The following UBE2J1 variants were observed in gnomAD, a reference collection of about 807,000 sequenced individuals.
UBE2J1 encodes ubiquitin conjugating enzyme E2 J1.
A neutral mutation model predicts 42.1 loss-of-function variants in UBE2J1; 17 were observed. The observed-to-expected ratio is 0.40, with a 90% CI of 0.28 to 0.61. The LOEUF (loss-of-function observed/expected upper bound fraction) is 0.61, where lower values mean the gene tolerates loss of function less well. Ranked by LOEUF, UBE2J1 falls within the 20% of genes least tolerant of loss-of-function variation. UBE2J1 has a pLI of 0.38. For synonymous variants in UBE2J1, 127 were observed against 137.2 expected, an observed-to-expected ratio of 0.93 and a Z score of 0.52; for missense variants, 291 against 389.4, an observed-to-expected ratio of 0.75 and a Z score of 2.13.
chr6:89,331,608 C>T (rs918657446), intron 7 of UBE2J1, among the ~76,000 whole-genome samples: 4 of 152,080 alleles, frequency 2.6e-5, no homozygotes, highest in Admixed American at 2.6e-4. Flanking sequence ...GAAAGAGACC[C>T]CTGACCCTCA....
At chr6:89,333,061 A>G in intron 7 of UBE2J1, 25 bp downstream of exon 7, 1 of 1,572,220 alleles carries the variant, frequency 6.4e-7, no homozygotes, top group Non-Finnish European at 8.6e-7. Flanking sequence ...AGACATACAT[A>G]TATATTAAAA....
At chr6:89,333,736 C>G (rs947013856) in intron 6 of UBE2J1, among the ~76,000 whole-genome samples, 4 of 152,094 alleles carry the variant, frequency 2.6e-5, no homozygotes, top group Non-Finnish European at 5.9e-5. Flanking sequence ...CACATTTGGT[C>G]CTGAGATTTT....
Position 89,328,495 on chromosome 6 carries a change from A to C in UBE2J1, c.*1184T>G, listed in dbSNP as rs1767945794. ...TTGGAACCACCTGTATTTAAAAATT[A>C]AATCTTCATTAACAACACCCTCAAG... On this transcript the variant is annotated 3_prime_UTR_variant, in exon 8 of 8. Coordinates refer to ENST00000435041, the MANE Select transcript of UBE2J1 (RefSeq NM_016021.3). 1 of 152,228 alleles carries C rather than the reference A, an allele frequency of 6.6e-6. No individual in the cohort carries two copies. The highest frequency in any genetic ancestry group is 2.4e-5 in the African/African-American group (1 of 41,464). 9.4% of individuals were successfully genotyped at this position (152,228 alleles called of 1,614,324 possible).
At chr6:89,348,998 A>G (rs538184609) in intron 1 of UBE2J1, among the ~76,000 whole-genome samples, 205 of 152,296 alleles carry the variant, frequency 1.3e-3, no homozygotes, top group African/African-American at 4.7e-3. Flanking sequence ...CACTTTGGGA[A>G]GCCAAGGTGG....
At chr6:89,347,629 T>A (rs1013038338) in intron 1 of UBE2J1, among the ~76,000 whole-genome samples, 1 of 152,244 alleles carries the variant, frequency 6.6e-6, no homozygotes, top group Non-Finnish European at 1.5e-5. Flanking sequence ...GCACATACCA[T>A]GTAAGAGCTA....
At chr6:89,347,268 A>G (rs1293109919) in intron 1 of UBE2J1, among the ~76,000 whole-genome samples, 1 of 152,236 alleles carries the variant, frequency 6.6e-6, no homozygotes, top group Non-Finnish European at 1.5e-5. Flanking sequence ...CTTTAAGTTA[A>G]TATTATTAGA....
At chr6:89,351,589 A>G (rs1204862703) in intron 1 of UBE2J1, among the ~76,000 whole-genome samples, 1 of 152,228 alleles carries the variant, frequency 6.6e-6, no homozygotes, top group Non-Finnish European at 1.5e-5. Flanking sequence ...TAGTCTTGCT[A>G]ATTCCTACTG....
At chr6:89,351,785 T>C (rs1464230096) in intron 1 of UBE2J1, among the ~76,000 whole-genome samples, 5 of 152,230 alleles carry the variant, frequency 3.3e-5, no homozygotes, top group Non-Finnish European at 5.9e-5. Flanking sequence ...GCCTGTTTTA[T>C]TAAGCTGAGA....
chr6:89,330,938 G>A (rs1161684735), intron 7 of UBE2J1, among the ~76,000 whole-genome samples: 8 of 152,126 alleles, frequency 5.3e-5, no homozygotes, highest in African/African-American at 1.7e-4. Flanking sequence ...CCTACCCTGG[G>A]AAAAGGAGAA....
In UBE2J1 at chr6:89,346,176, CA is replaced by C. The variant is rs200384873; in HGVS notation, c.32-2421del. 3.7e-3 allele frequency among the ~76,000 whole-genome samples: 566 copies of C among 151,474 alleles called. 1 individual carries two copies. Among genetic ancestry groups the C allele is most frequent in the African/African-American group, 0.013 (538 of 41,306 alleles). On this transcript the variant is annotated intron_variant, in intron 1 of 7. Coordinates refer to ENST00000435041, the MANE Select transcript of UBE2J1 (RefSeq NM_016021.3). ...ACAGGCGGGAATCAGCATGCCTGGC[CA>C]AAAAAAAGTTGTTACTATCCTACTT...
In UBE2J1 at chr6:89,352,625, C is replaced by A; in HGVS notation, c.-56G>T. The A allele has an allele frequency of 6.6e-7, 1 of 1,510,664 alleles. No individual in the cohort carries two copies. The allele number at this position is 1,510,664 out of a possible 1,614,324, so 93.6% of individuals were successfully genotyped here. A position where few individuals can be genotyped will look rare whatever the true frequency, so the allele number is the denominator to read the frequency against. On this transcript the variant is annotated 5_prime_UTR_variant, in exon 1 of 8. Transcript: ENST00000435041. ...GGGCCGCTGCCACCTCCTCTCCACG[C>A]GGCCGCTGCCCGGGTCTCAGCGCGG...
At chr6:89,335,940 A>AATTT (rs1487911491) in intron 5 of UBE2J1, among the ~76,000 whole-genome samples, 1 of 152,218 alleles carries the variant, frequency 6.6e-6, no homozygotes, top group African/African-American at 2.4e-5. Flanking sequence ...CCAAAGACTT[A>AATTT]ATTTATTGCT....
chr6:89,351,564 T>C (rs1768481439), intron 1 of UBE2J1, among the ~76,000 whole-genome samples: 1 of 152,196 alleles, frequency 6.6e-6, no homozygotes, highest in Non-Finnish European at 1.5e-5. Context: ...GTGTCAACTC[T>C]TTCCACAAGG....
intron 2 of UBE2J1, among the ~76,000 whole-genome samples, 147 bp downstream of exon 2, chr6:89,343,524 TGATTTGGAATGG>T (rs1015494563): frequency 1.3e-5 from 2 of 151,358 alleles, no homozygotes; most frequent in Non-Finnish European, 2.9e-5. Context: ...TCTTCTAAAG[TGATTTGGAATGG>T]CTAATGAAAT....
At position 89,345,733 on chromosome 6, in the gene UBE2J1, C is replaced by A. The variant is rs1486196190; in HGVS notation, c.32-1977G>T. ...AACCAGCCTGACCAGCATAGTGAAA[C>A]CCCATCTCTACTAAAAATACAAAAT... On this transcript the variant is annotated intron_variant, in intron 1 of 7. Transcript: ENST00000435041. 2.0e-5 allele frequency among the ~76,000 whole-genome samples: 3 copies of A among 151,754 alleles called. No individual in the cohort carries two copies. The South Asian group carries it at 6.2e-4, about 31-fold the overall frequency.
chr6:89,334,975 A>G (rs1237453524), intron 6 of UBE2J1, among the ~76,000 whole-genome samples: 1 of 152,152 alleles, frequency 6.6e-6, no homozygotes, highest in African/African-American at 2.4e-5. Context: ...TACTACTAAT[A>G]AGCAACAGAG....
At chr6:89,347,257 C>A (rs1768381258) in intron 1 of UBE2J1, among the ~76,000 whole-genome samples, 1 of 152,156 alleles carries the variant, frequency 6.6e-6, no homozygotes, top group South Asian at 2.1e-4. Context: ...ACATATCATT[C>A]CTTTAAGTTA....
Position 89,332,636 on chromosome 6 carries a change from TA to T in UBE2J1, c.678+449del, listed in dbSNP as rs1205508609. On this transcript the variant is annotated intron_variant, in intron 7 of 7. Transcript: ENST00000435041. The stretch of plus-strand genomic sequence containing the variant: ...ACTTGATTTTGATTAAATTTAAATG[TA>T]GACACCTGCATGTGGCTGGTGGCTA... 2.6e-5 allele frequency among the ~76,000 whole-genome samples: 4 copies of T among 152,352 alleles called. No individual in the cohort carries two copies. The East Asian group carries it at 7.7e-4, about 29-fold the overall frequency.
chr6:89,350,823 G>A (rs894894995), intron 1 of UBE2J1, among the ~76,000 whole-genome samples: 1 of 152,048 alleles, frequency 6.6e-6, no homozygotes, highest in Non-Finnish European at 1.5e-5. Context: ...GGTTCCACCA[G>A]TTCTCCATTC....
Sources: allele counts gnomAD v4.1 joint callset (sites outside exome capture counted in the v4.1 genomes callset), GRCh38; gene constraint gnomAD v4.1.1; transcripts MANE v1.5; gene names NCBI Gene and HGNC (gene_info 2026-07-23, HGNC 2026-07-21).